Variants in TRPV2 observed in about 807,000 individuals in gnomAD.
TRPV2 encodes the protein transient receptor potential cation channel subfamily V member 2.
Under a neutral mutation model 91.0 loss-of-function variants are expected in TRPV2, and 58 were observed. The ratio of observed to expected loss-of-function variants is 0.64; its 90% CI spans 0.52 to 0.79. The LOEUF (loss-of-function observed/expected upper bound fraction) is 0.79. Among genes scored for constraint, TRPV2 ranks in the 30% least tolerant of loss-of-function variants. The pLI, the probability that TRPV2 is intolerant of heterozygous loss-of-function variation, is 0.00. For missense variants in TRPV2, 807 were observed against 969.6 expected, an observed-to-expected ratio of 0.83 and a Z score of 2.23; for synonymous variants, 417 against 414.8, an observed-to-expected ratio of 1.01 and a Z score of -0.06.
chr17:16,435,762 T>C lies in TRPV2; in HGVS notation c.2194+793T>C, dbSNP rs1339297961. 1.3e-5 allele frequency among the ~76,000 whole-genome samples: 2 copies of C among 152,158 alleles called. No homozygotes were observed. The highest frequency in any genetic ancestry group is 4.1e-4 in the South Asian group (2 of 4,826). ...CCTCCTGAGTCTCCCATGGCCCCTGTTGTAGGGAGGCTCCTCTGGCCTCTT... is the reference window on the plus strand; with the variant it reads ...CCTCCTGAGTCTCCCATGGCCCCTGCTGTAGGGAGGCTCCTCTGGCCTCTT... On this transcript the variant is annotated intron_variant, in intron 14 of 14. Transcript: ENST00000338560. The surrounding 1 kb of genome is among the most constrained non-coding windows in gnomAD (Gnocchi z 4.2).
In TRPV2 at chr17:16,433,648, G is replaced by T; in HGVS notation, c.2064G>T (p.Leu688=). 1 of 1,614,168 alleles carries T rather than the reference G, an allele frequency of 6.2e-7. No individual in the cohort carries two copies. Among genetic ancestry groups the T allele is most frequent in the South Asian group, 1.1e-5 (1 of 91,060 alleles). The change falls in exon 13 of 15, where the codon CTG becomes CTT. Residue 688 remains leucine (L), a synonymous_variant. Coordinates refer to ENST00000338560, the MANE Select transcript of TRPV2 (RefSeq NM_016113.5). ...CRKKQRAGVM[L]TVGTKPDGSP... Reference sequence around the variant, plus strand: ...AGAAGCAGCGGGCAGGTGTGATGCTGACCGTTGGCACTAAGCCAGATGGCA... The same window carrying T: ...AGAAGCAGCGGGCAGGTGTGATGCTTACCGTTGGCACTAAGCCAGATGGCA...
chr17:16,423,520 G>A lies in TRPV2; in HGVS notation c.677G>A (p.Ser226Asn), dbSNP rs1235325311. 6.2e-7 allele frequency: 1 copy of A among 1,613,988 alleles called. No homozygotes were observed. Among genetic ancestry groups the A allele is most frequent in the Non-Finnish European group, 8.5e-7 (1 of 1,179,962 alleles). ...TGCACCAAGCAGTGGGATGTGGTAA[G>A]CTACCTCCTGGAGAACCCACACCAG... The part of the protein sequence containing the change: ...AACTKQWDVV[S>N]YLLENPHQPA... Residue 226 changes from serine to asparagine, a missense_variant, in exon 5 of 15, where the codon AGC (serine) becomes AAC (asparagine). Transcript: ENST00000338560.
intron 13 of TRPV2, among the ~76,000 whole-genome samples, chr17:16,434,341 G>A (rs1319698268): frequency 4.6e-5 from 7 of 151,964 alleles, no homozygotes; most frequent in Admixed American, 1.3e-4. Flanking sequence ...GGTGGCGGGC[G>A]CCTGTAGTCC....
In TRPV2 at chr17:16,422,617, C is replaced by T. The variant is rs374739347; in HGVS notation, c.353C>T (p.Thr118Met). The T allele has an allele frequency of 3.1e-6, 5 of 1,613,926 alleles. No homozygotes were observed. The highest frequency in any genetic ancestry group is 1.7e-6 in the Non-Finnish European group (2 of 1,179,900). The change falls in exon 4 of 15, where the codon ACG (threonine) becomes ATG (methionine). Residue 118 changes from threonine (T) to methionine (M), a missense_variant. Coordinates refer to ENST00000338560, the MANE Select transcript of TRPV2 (RefSeq NM_016113.5). ...SEYTEGSTGK[T>M]CLMKAVLNLK... is the part of the protein sequence containing the mutation. ...CCCACAGAGGGCTCCACAGGTAAGACGTGCCTGATGAAGGCTGTGCTGAAC... is the reference window on the plus strand; with the variant it reads ...CCCACAGAGGGCTCCACAGGTAAGATGTGCCTGATGAAGGCTGTGCTGAAC...
intron 10 of TRPV2, among the ~76,000 whole-genome samples, chr17:16,431,255 AC>A (rs2093408423): frequency 3.3e-5 from 2 of 60,960 alleles, no homozygotes; most frequent in South Asian, 5.3e-4. Flanking sequence ...GTGATCTGAG[AC>A]ATATATATAT....
chr17:16,420,913 G>A (rs922951695), intron 3 of TRPV2, among the ~76,000 whole-genome samples: 11 of 152,162 alleles, frequency 7.2e-5, no homozygotes, highest in African/African-American at 2.7e-4. Flanking sequence ...ACCGCGCAGG[G>A]CCTATCCAGA....
Position 16,422,889 on chromosome 17 carries a change from G to A in TRPV2, c.625G>A (p.Gly209Ser), listed in dbSNP as rs1354209554. 3.8e-6 allele frequency: 6 copies of A among 1,558,526 alleles called. No homozygotes were observed. Among genetic ancestry groups the A allele is most frequent in the South Asian group, 1.2e-5 (1 of 84,776 alleles). ...GGGCCAAGGGACTTGCTTTTATTTC[G>A]GTGAGTGAGCCTTTCTTGGATAAAT... The part of the protein sequence containing the change: ...QKGQGTCFYF[G>S]ELPLSLAACT... Residue 209 changes from glycine to serine, a missense_variant and splice_region_variant, in exon 4 of 15, where the codon GGT becomes AGT. Transcript: ENST00000338560.
rs1271096089 is a variant in TRPV2, at chr17:16,426,629, C to T, written c.1096-93C>T. The stretch of plus-strand genomic sequence containing the variant: ...AAGCCTGCTCCCTGTCCTCTCTCCT[C>T]ATTTCCTGGGCCCTTGCTTTGATCT... On this transcript the variant is annotated intron_variant, in intron 6 of 14. Coordinates refer to ENST00000338560, the MANE Select transcript of TRPV2 (RefSeq NM_016113.5). The surrounding 1 kb of genome is among the most constrained non-coding windows in gnomAD (Gnocchi z 6.0). 2 of 1,459,860 alleles carry T rather than the reference C, an allele frequency of 1.4e-6. No homozygotes were observed. Among genetic ancestry groups the T allele is most frequent in the East Asian group, 2.3e-5 (1 of 43,780 alleles). 90.4% of individuals were successfully genotyped at this position (1,459,860 alleles called of 1,614,324 possible). A position where few individuals can be genotyped will look rare whatever the true frequency, so the allele number is the denominator to read the frequency against.
intron 2 of TRPV2, among the ~76,000 whole-genome samples, chr17:16,418,795 C>A (rs1396493454): frequency 1.3e-5 from 2 of 152,134 alleles, no homozygotes; most frequent in Non-Finnish European, 2.9e-5. Flanking sequence ...GTCCAAATGG[C>A]CACTTCTGCC....
At position 16,428,691 on chromosome 17, in the gene TRPV2, A is replaced by G. The variant is rs1445071912; in HGVS notation, c.1422-126A>G. ...TTATGCCCATTTTACAGTGGGAGGG[A>G]ACTGAGGCCCACAGAGGTTAAATGT... On this transcript the variant is annotated intron_variant, in intron 9 of 14. Coordinates refer to ENST00000338560, the MANE Select transcript of TRPV2 (RefSeq NM_016113.5). The G allele has an allele frequency of 8.6e-6, 9 of 1,047,140 alleles. No homozygotes were observed. In the Admixed American group the frequency reaches 1.8e-4, roughly 21 times the overall value. The allele number at this position is 1,047,140 out of a possible 1,614,324, so 64.9% of individuals were successfully genotyped here. A position where few individuals can be genotyped will look rare whatever the true frequency, so the allele number is the denominator to read the frequency against.
chr17:16,436,299 G>A (rs373156739), intron 14 of TRPV2, among the ~76,000 whole-genome samples: 11 of 152,286 alleles, frequency 7.2e-5, no homozygotes, highest in African/African-American at 2.2e-4. Context: ...CTGGAAGGCC[G>A]CACTGCTCAG....
chr17:16,426,732 G>A lies in TRPV2; in HGVS notation c.1106G>A (p.Arg369Gln), dbSNP rs538132513. The A allele has an allele frequency of 9.3e-6, 15 of 1,613,556 alleles. No individual in the cohort carries two copies. Among genetic ancestry groups the A allele is most frequent in the South Asian group, 2.2e-5 (2 of 91,038 alleles). ...CCCTCCCCACCCCAGCACCGACACC[G>A]AATGGTCGTTTTGGAGCCCCTGAAC... ...AFHCKSPHRHRMVVLEPLNKL... is the reference protein window; with the variant it reads ...AFHCKSPHRHQMVVLEPLNKL... The change falls in exon 7 of 15, where the codon CGA becomes CAA. Residue 369 changes from arginine to glutamine, a missense_variant. By Grantham distance (43) the Arg-to-Gln change is conservative. Coordinates refer to ENST00000338560, the MANE Select transcript of TRPV2 (RefSeq NM_016113.5). This position sits in a 1 kb window ranked among gnomAD's most constrained non-coding sequence, Gnocchi z 6.0.
At chr17:16,431,087 A>T (rs1165893290) in intron 10 of TRPV2, among the ~76,000 whole-genome samples, 1 of 147,128 alleles carries the variant, frequency 6.8e-6, no homozygotes, top group Admixed American at 6.8e-5. Context: ...GGACTCATTC[A>T]GTCACCCAGG....
intron 3 of TRPV2, among the ~76,000 whole-genome samples, chr17:16,422,354 GAAAAAGAAAAA>G (rs1404039677): frequency 1.3e-5 from 2 of 148,844 alleles, no homozygotes; most frequent in African/African-American, 2.5e-5. Flanking sequence ...GAAAAGAAAA[GAAAAAGAAAAA>G]AAAAGAAATT....
chr17:16,422,808 C>A lies in TRPV2; in HGVS notation c.544C>A (p.Leu182Met). The change falls in exon 4 of 15, where the codon CTG becomes ATG. Residue 182 changes from leucine to methionine, a missense_variant. Leu to Met is a conservative substitution (Grantham distance 15). Transcript: ENST00000338560. ...GAGGAGTCTGCAGTGTGTGAAGCTC[C>A]TGGTGGAGAATGGGGCCAATGTGCA... is the stretch of plus-strand genomic sequence containing the variant. ...EKRSLQCVKL[L>M]VENGANVHAR... 6.4e-7 allele frequency: 1 copy of A among 1,574,430 alleles called. No homozygotes were observed. The highest frequency in any genetic ancestry group is 2.3e-5 in the East Asian group (1 of 42,716).
chr17:16,420,257 T>C lies in TRPV2; in HGVS notation c.334+9T>C. ...CGACTCGGAATACACAGGTAGACCC[T>C]GCCCTGTGGATCCAAGGCTAGGCAT... is the stretch of plus-strand genomic sequence containing the variant. On this transcript the variant is annotated intron_variant, in intron 3 of 14. Coordinates refer to ENST00000338560, the MANE Select transcript of TRPV2 (RefSeq NM_016113.5). 1 of 1,604,902 alleles carries C rather than the reference T, an allele frequency of 6.2e-7. No individual in the cohort carries two copies.
intron 13 of TRPV2, among the ~76,000 whole-genome samples, chr17:16,433,923 G>A (rs1235910429): frequency 1.3e-5 from 2 of 152,168 alleles, no homozygotes; most frequent in East Asian, 3.8e-4. Context: ...TTAAACTGAA[G>A]GTCCCCTCCT....
At position 16,436,870 on chromosome 17, in the gene TRPV2, A is replaced by G. The variant is rs1312812852; in HGVS notation, c.2276A>G (p.Gln759Arg). The G allele has an allele frequency of 1.2e-6, 2 of 1,613,994 alleles. No individual in the cohort carries two copies. The highest frequency in any genetic ancestry group is 2.2e-5 in the East Asian group (1 of 44,904). The change falls in exon 15 of 15, where the codon CAG (glutamine) becomes CGG (arginine). Residue 759 changes from glutamine (Q) to arginine (R), a missense_variant. Coordinates refer to ENST00000338560, the MANE Select transcript of TRPV2 (RefSeq NM_016113.5). ...TCTGAGGAAAACTATGTGCCCGTCC[A>G]GCTCCTCCAGTCCAACTGATGGCCC... is the stretch of plus-strand genomic sequence containing the variant. ...GASEENYVPV[Q>R]LLQSN is the part of the protein sequence containing the mutation.
At chr17:16,428,513 ACAGGCCAGTCC>A in intron 9 of TRPV2, 126 bp downstream of exon 9, 3 of 1,036,586 alleles carry the variant, frequency 2.9e-6, no homozygotes, top group Non-Finnish European at 4.5e-6. Flanking sequence ...GGATCTGTGT[ACAGGCCAGTCC>A]CAGGAGTCTG....
Sources: gnomAD v4.1 joint callset for allele counts (sites outside exome capture counted in the v4.1 genomes callset) on GRCh38, gnomAD v4.1.1 for gene constraint, Gnocchi (gnomAD v3.1) non-coding constraint, MANE v1.5 for transcripts, NCBI Gene and HGNC (gene_info 2026-07-23, HGNC 2026-07-21) for gene names.